Variants in ZDHHC15 observed in about 807,000 individuals in gnomAD.
ZDHHC15 encodes the protein zDHHC palmitoyltransferase 15.
Under a neutral mutation model 31.7 loss-of-function variants are expected in ZDHHC15, and 19 were observed. That is an observed-to-expected ratio of 0.60 (90% confidence interval 0.42 to 0.88). The LOEUF (loss-of-function observed/expected upper bound fraction) is 0.88, where lower values mean the gene tolerates loss of function less well. Ranked by LOEUF, ZDHHC15 falls within the 40% of genes least tolerant of loss-of-function variation. ZDHHC15 has a pLI of 0.00. For missense variants in ZDHHC15, 209 were observed against 251.2 expected, an observed-to-expected ratio of 0.83 and a Z score of 1.14; for synonymous variants, 103 against 90.0, an observed-to-expected ratio of 1.14 and a Z score of -0.82.
Position 75,492,504 on chromosome X carries a change from A to C in ZDHHC15, c.163+13317T>G, listed in dbSNP as rs902053364. 3.1e-4 allele frequency among the ~76,000 whole-genome samples: 35 copies of C among 111,649 alleles called. 1 individual carries two copies. Among genetic ancestry groups the C allele is most frequent in the Non-Finnish European group, 1.3e-4 (7 of 53,199 alleles). On this transcript the variant is annotated intron_variant, in intron 2 of 11. Transcript: ENST00000373367. ...TTCTTCTCAGCACCACACCATACTT[A>C]TTCCAAAATTGACCACATAGTTGGA...
At chrX:75,423,762 A>T (rs141724298) in intron 8 of ZDHHC15, among the ~76,000 whole-genome samples, 53 of 108,394 alleles carry the variant, frequency 4.9e-4, no homozygotes, top group African/African-American at 1.6e-3. Flanking sequence ...AAGTGCTAGG[A>T]GTGCTAAGAA....
intron 4 of ZDHHC15, 71 bp downstream of exon 4, chrX:75,450,731 G>A (rs1306638996): frequency 1.7e-6 from 2 of 1,206,476 alleles, no homozygotes; most frequent in East Asian, 5.9e-5. Flanking sequence ...GCTAGTTTGA[G>A]AACATATATG....
chrX:75,520,649 A>C (rs917773982), intron 1 of ZDHHC15, among the ~76,000 whole-genome samples: 2 of 110,993 alleles, frequency 1.8e-5, no homozygotes, highest in African/African-American at 6.5e-5. Context: ...TTGACCCTTC[A>C]ATCAATCATT....
chrX:75,387,570 A>G, intron 10 of ZDHHC15, among the ~76,000 whole-genome samples: 1 of 111,982 alleles, frequency 8.9e-6, no homozygotes, highest in South Asian at 3.7e-4. Context: ...ATGGAGCTGA[A>G]GAAAGAATCA....
chrX:75,422,894 T>C (rs1003370374), intron 8 of ZDHHC15, among the ~76,000 whole-genome samples: 12 of 107,920 alleles, frequency 1.1e-4, no homozygotes, highest in Middle Eastern at 4.6e-3. Context: ...CATGCTGGTG[T>C]GCTGCACCCA....
intron 4 of ZDHHC15, among the ~76,000 whole-genome samples, chrX:75,444,122 A>G (rs1274710996): frequency 1.8e-5 from 2 of 111,562 alleles, no homozygotes; most frequent in Non-Finnish European, 3.8e-5. Context: ...TACTGGGTAT[A>G]TACCCAAGGG....
At chrX:75,508,150 T>C (rs2085197696) in intron 1 of ZDHHC15, among the ~76,000 whole-genome samples, 1 of 111,124 alleles carries the variant, frequency 9.0e-6, no homozygotes, top group Non-Finnish European at 1.9e-5. Flanking sequence ...TTTGAACATG[T>C]TTTTTTAAAT....
intron 10 of ZDHHC15, among the ~76,000 whole-genome samples, chrX:75,401,255 C>CA (rs59465325): frequency 0.065 from 5,351 of 82,623 alleles, 167 homozygotes; most frequent in Non-Finnish European, 0.1. Context: ...GTGCTGTTTC[C>CA]AAAAAAAAAA....
chrX:75,494,086 C>A (rs966249128), intron 2 of ZDHHC15, among the ~76,000 whole-genome samples: 16 of 111,720 alleles, frequency 1.4e-4, no homozygotes, highest in Non-Finnish European at 2.8e-4. Flanking sequence ...TCAGCAAAGT[C>A]TCAGGATACA....
chrX:75,458,042 G>C (rs1208782580), intron 3 of ZDHHC15, among the ~76,000 whole-genome samples: 1 of 111,419 alleles, frequency 9.0e-6, no homozygotes, highest in Non-Finnish European at 1.9e-5. Context: ...ATGTTCATTG[G>C]AGCTTTATTC....
At chrX:75,514,889 G>T (rs1331659384) in intron 1 of ZDHHC15, among the ~76,000 whole-genome samples, 1 of 111,073 alleles carries the variant, frequency 9.0e-6, no homozygotes, top group Non-Finnish European at 1.9e-5. Context: ...ATGATAAAGG[G>T]GATATCACCA....
At chrX:75,403,789 A>G (rs2083382617) in intron 10 of ZDHHC15, among the ~76,000 whole-genome samples, 1 of 112,490 alleles carries the variant, frequency 8.9e-6, no homozygotes, top group African/African-American at 3.2e-5. Context: ...ATATCATTAA[A>G]ATGGCTATAC....
At chrX:75,416,489 T>A (rs2083550253) in intron 10 of ZDHHC15, among the ~76,000 whole-genome samples, 1 of 111,714 alleles carries the variant, frequency 9.0e-6, no homozygotes, top group Admixed American at 9.6e-5. Context: ...GGGCTGGCAA[T>A]GGGGATACAT....
At chrX:75,379,098 G>A in intron 11 of ZDHHC15, 22 bp downstream of exon 11, 5 of 1,176,883 alleles carry the variant, frequency 4.2e-6, no homozygotes, top group African/African-American at 3.5e-5. Context: ...GCCACTGTAT[G>A]TGTCTCCCTC....
chrX:75,520,982 G>A (rs1332937103), intron 1 of ZDHHC15, among the ~76,000 whole-genome samples: 2 of 111,090 alleles, frequency 1.8e-5, no homozygotes, highest in East Asian at 5.7e-4. Flanking sequence ...CAGTCTACCT[G>A]GGGTAGACTA....
intron 7 of ZDHHC15, among the ~76,000 whole-genome samples, chrX:75,426,536 C>CAG (rs966346698): frequency 2.7e-5 from 3 of 110,493 alleles, no homozygotes; most frequent in Non-Finnish European, 5.7e-5. Context: ...TAATAGCCAT[C>CAG]AGAGAGAGAG....
intron 4 of ZDHHC15, among the ~76,000 whole-genome samples, chrX:75,441,427 T>C (rs1203526329): frequency 1.8e-5 from 2 of 111,094 alleles, no homozygotes; most frequent in African/African-American, 6.5e-5. Context: ...CTAAGGAAGG[T>C]GAAATCCTTT....
chrX:75,476,161 A>T (rs1347591918), intron 3 of ZDHHC15, among the ~76,000 whole-genome samples: 1 of 111,194 alleles, frequency 9.0e-6, no homozygotes, highest in Non-Finnish European at 1.9e-5. Flanking sequence ...ATACCTACAA[A>T]CAGAGATAAT....
chrX:75,453,137 G>A (rs12556535), intron 3 of ZDHHC15, among the ~76,000 whole-genome samples: 64,228 of 110,074 alleles, frequency 0.58, 16,876 homozygotes, highest in Non-Finnish European at 0.82. Flanking sequence ...TAGACTGCTA[G>A]ACTGCTAGCA....
Sources: gnomAD v4.1 joint callset for allele counts (sites outside exome capture counted in the v4.1 genomes callset) on GRCh38, gnomAD v4.1.1 for gene constraint, MANE v1.5 for transcripts, NCBI Gene and HGNC (gene_info 2026-07-23, HGNC 2026-07-21) for gene names.